Variants in DOP1B observed in about 807,000 individuals in gnomAD.
The protein encoded by DOP1B is DOP1 leucine zipper like protein B.
DOP1B carries 174 observed loss-of-function variants against 233.5 expected under a neutral mutation model. That is an observed-to-expected ratio of 0.75 (90% confidence interval 0.66 to 0.85). DOP1B has a LOEUF of 0.85. Ranked by LOEUF, DOP1B falls within the 40% of genes least tolerant of loss-of-function variation. DOP1B has a pLI of 0.00. For missense variants in DOP1B, 2,652 were observed against 2,846.6 expected (o/e 0.93, Z 1.56); for synonymous variants, 1,190 against 1,185.6 (o/e 1.00, Z -0.08).
At chr21:36,197,872 G>A (rs2066309788) in intron 2 of DOP1B, among the ~76,000 whole-genome samples, 2 of 151,966 alleles carry the variant, frequency 1.3e-5, no homozygotes, top group South Asian at 4.2e-4. Flanking sequence ...TTAGCTGGAT[G>A]TGGTGGCGTG....
Position 36,208,792 on chromosome 21 carries a change from T to C in DOP1B, c.569T>C (p.Leu190Pro), listed in dbSNP as rs753919420. 1 of 1,611,388 alleles carries C rather than the reference T, an allele frequency of 6.2e-7. No homozygotes were observed. Among genetic ancestry groups the C allele is most frequent in the African/African-American group, 1.3e-5 (1 of 74,820 alleles). The change falls in exon 5 of 37, where the codon CTG becomes CCG. Residue 190 changes from leucine to proline, a missense_variant. Transcript: ENST00000691173. ...TACACCGCCCTCTGGGGGAGCGTCC[T>C]GGCCAGCCCGTCCATCCGCCTCCCT... ...VFYTALWGSV[L>P]ASPSIRLPAS... is the part of the protein sequence containing the mutation.
chr21:36,249,655 G>GTCT (rs61094021), intron 21 of DOP1B, among the ~76,000 whole-genome samples: 78,183 of 151,676 alleles, frequency 0.52, 20,241 homozygotes, highest in East Asian at 0.61. Context: ...TTATAGTTTA[G>GTCT]TCTTTGGTTT....
At chr21:36,181,282 CTT>C (rs746169081) in intron 2 of DOP1B, among the ~76,000 whole-genome samples, 18 of 143,900 alleles carry the variant, frequency 1.3e-4, no homozygotes, top group Admixed American at 2.8e-4. Flanking sequence ...ACTCTGTCTT[CTT>C]TTTTTTTTTT....
chr21:36,256,243 C>A (rs2067096043), intron 23 of DOP1B, among the ~76,000 whole-genome samples: 1 of 152,018 alleles, frequency 6.6e-6, no homozygotes, highest in South Asian at 2.1e-4. Context: ...GAGTTCGAGA[C>A]CAGCCTGGGC....
chr21:36,217,099 G>C (rs1260749193), intron 9 of DOP1B, among the ~76,000 whole-genome samples: 1 of 147,976 alleles, frequency 6.8e-6, no homozygotes, highest in African/African-American at 2.5e-5. Context: ...AAAAAAGAGA[G>C]CTGAGGGCAT....
chr21:36,221,855 C>T (rs2066626816), intron 10 of DOP1B, among the ~76,000 whole-genome samples: 1 of 152,084 alleles, frequency 6.6e-6, no homozygotes, highest in Admixed American at 6.5e-5. Flanking sequence ...GGATTACAGG[C>T]ATCAGCCACT....
intron 5 of DOP1B, among the ~76,000 whole-genome samples, chr21:36,210,024 G>A (rs182367564): frequency 9.3e-4 from 142 of 152,112 alleles, no homozygotes; most frequent in South Asian, 2.7e-3. Context: ...AGGCGACCCC[G>A]ATGAACACGT....
intron 2 of DOP1B, among the ~76,000 whole-genome samples, chr21:36,179,709 A>C (rs749229019): frequency 6.6e-6 from 1 of 152,220 alleles, no homozygotes; most frequent in Non-Finnish European, 1.5e-5. Flanking sequence ...ACAGGCGAAC[A>C]GTTTACATAT....
At chr21:36,285,801 G>A (rs1364408236) in intron 32 of DOP1B, among the ~76,000 whole-genome samples, 2 of 152,140 alleles carry the variant, frequency 1.3e-5, no homozygotes, top group African/African-American at 2.4e-5. Context: ...GAGGTCAGGA[G>A]TTCAAGACCA....
chr21:36,208,935 G>A, intron 5 of DOP1B, 31 bp downstream of exon 5: 1 of 1,478,750 alleles, frequency 6.8e-7, no homozygotes, highest in Non-Finnish European at 9.0e-7. Flanking sequence ...AGGGCATGGG[G>A]AGGAGGCGAC....
At chr21:36,274,096 A>G (rs1356917172) in intron 27 of DOP1B, among the ~76,000 whole-genome samples, 1 of 152,110 alleles carries the variant, frequency 6.6e-6, no homozygotes, top group Non-Finnish European at 1.5e-5. Flanking sequence ...AAAGCACACT[A>G]AGGAGCTTGG....
At chr21:36,263,474 A>T in intron 24 of DOP1B, 72 bp from the exon 25 acceptor site, 1 of 1,366,598 alleles carries the variant, frequency 7.3e-7, no homozygotes, top group African/African-American at 1.4e-5. Flanking sequence ...CCAGGATCTT[A>T]AATATGCTTA....
chr21:36,174,200 G>A (rs1348170153), intron 2 of DOP1B, among the ~76,000 whole-genome samples: 1 of 152,108 alleles, frequency 6.6e-6, no homozygotes, highest in Non-Finnish European at 1.5e-5. Context: ...TAAAAACTTG[G>A]TGAGAGGCCA....
At chr21:36,260,593 A>T (rs2067159009) in intron 23 of DOP1B, 84 bp from the exon 24 acceptor site, 2 of 1,578,668 alleles carry the variant, frequency 1.3e-6, no homozygotes, top group Admixed American at 3.5e-5. Flanking sequence ...TTGTTAGGCT[A>T]TAGATCTGTT....
Position 36,239,813 on chromosome 21 carries a change from C to T in DOP1B, c.2925C>T (p.Ile975=), listed in dbSNP as rs577517221. 35 of 1,563,016 alleles carry T rather than the reference C, an allele frequency of 2.2e-5. No homozygotes were observed. Among genetic ancestry groups the T allele is most frequent in the Middle Eastern group, 2.1e-4 (1 of 4,686 alleles). Residue 975 remains isoleucine (I), a synonymous_variant, in exon 18 of 37, where the codon ATC becomes ATT. Coordinates refer to ENST00000691173, the MANE Select transcript of DOP1B (RefSeq NM_001320714.2). ...GCCTGGCCTGCACGGATGGTGCCAT[C>T]GGTGCGGCAGCCCAGGGCTGGCTGG... ...LDSLACTDGA[I]GAAAQGWLVR...
chr21:36,232,902 C>T lies in DOP1B; in HGVS notation c.2449C>T (p.Leu817=), dbSNP rs368114122. 11 of 1,613,894 alleles carry T rather than the reference C, an allele frequency of 6.8e-6. No homozygotes were observed. The African/African-American group carries it at 8.0e-5, about 12-fold the overall frequency. ...CYLQNVAIST[L]LEVINHSQSL... ...CCTCCAGAACGTGGCCATTTCCACTCTGCTGGAAGTGATAAACCATTCCCA... is the reference window on the plus strand; with the variant it reads ...CCTCCAGAACGTGGCCATTTCCACTTTGCTGGAAGTGATAAACCATTCCCA... The change falls in exon 15 of 37, where the codon CTG becomes TTG. Residue 817 remains leucine, a synonymous_variant. Coordinates refer to ENST00000691173, the MANE Select transcript of DOP1B (RefSeq NM_001320714.2).
At chr21:36,228,766 A>AAAAT (rs1018649999) in intron 13 of DOP1B, among the ~76,000 whole-genome samples, 106 of 145,448 alleles carry the variant, frequency 7.3e-4, no homozygotes, top group African/African-American at 2.6e-3. Flanking sequence ...ACTCTGTCTC[A>AAAAT]AAATAAATAA....
chr21:36,237,378 G>A lies in DOP1B; in HGVS notation c.2739G>A (p.Glu913=), dbSNP rs200147287. ...HCLAPTANIC[E]DIICHALLDP... is the part of the protein sequence containing the mutation. ...TGGCCCCTACGGCCAACATCTGCGAGGACATCATCTGCCATGCCCTCCTGG... is the reference window on the plus strand; with the variant it reads ...TGGCCCCTACGGCCAACATCTGCGAAGACATCATCTGCCATGCCCTCCTGG... Residue 913 remains glutamate (E), a synonymous_variant, in exon 16 of 37, where the codon GAG becomes GAA. Coordinates refer to ENST00000691173, the MANE Select transcript of DOP1B (RefSeq NM_001320714.2). 30 of 1,614,030 alleles carry A rather than the reference G, an allele frequency of 1.9e-5. No individual in the cohort carries two copies. Among genetic ancestry groups the A allele is most frequent in the East Asian group, 6.7e-5 (3 of 44,896 alleles).
At chr21:36,286,471 C>G (rs1163600251) in intron 32 of DOP1B, among the ~76,000 whole-genome samples, 2 of 151,658 alleles carry the variant, frequency 1.3e-5, no homozygotes, top group African/African-American at 4.8e-5. Context: ...CCCATATCTA[C>G]TAAAAATACC....
Sources: gnomAD v4.1 joint callset for allele counts (sites outside exome capture counted in the v4.1 genomes callset) on GRCh38, gnomAD v4.1.1 for gene constraint, MANE v1.5 for transcripts, NCBI Gene and HGNC (gene_info 2026-07-23, HGNC 2026-07-21) for gene names.